Variants in MACF1 observed in about 807,000 individuals in gnomAD.
MACF1 encodes the protein microtubule-actin cross-linking factor 1.
Under a neutral mutation model 854.8 loss-of-function variants are expected in MACF1, and 193 were observed. That is an observed-to-expected ratio of 0.23 (90% confidence interval 0.20 to 0.25). The LOEUF is 0.25. Among genes scored for constraint, MACF1 ranks in the 10% least tolerant of loss-of-function variants. The pLI is 1.00. For synonymous variants in MACF1, 3,185 were observed against 3,226.7 expected (o/e 0.99, Z 0.44); for missense variants, 7,722 against 8,929.1 (o/e 0.86, Z 5.45).
At chr1:39,366,260 C>T (rs79105037) in intron 49 of MACF1, among the ~76,000 whole-genome samples, 4,804 of 152,242 alleles carry the variant, frequency 0.032, 255 homozygotes, top group African/African-American at 0.11. Flanking sequence ...CAAATACATA[C>T]GCATGCACTT....
At chr1:39,251,792 T>C in intron 3 of MACF1, 54 bp from the exon 4 acceptor site, 1 of 1,032,724 alleles carries the variant, frequency 9.7e-7, no homozygotes, top group Non-Finnish European at 1.3e-6. Flanking sequence ...TCCATCTTTT[T>C]ATTGTGAATT....
intron 95 of MACF1, chr1:39,468,245 G>A: frequency 5.8e-6 from 1 of 172,790 alleles, no homozygotes; most frequent in South Asian, 1.3e-4. Context: ...AAAATTAGCT[G>A]GGCGTGATGG....
In MACF1 at chr1:39,429,855, A is replaced by G. The variant is rs149150778; in HGVS notation, c.16917A>G (p.Lys5639=). ...AGGAGGTGTTACTTATCCAGGAAAA[A>G]CTAGATGGTATAAAGACTCGTTACG... The part of the protein sequence containing the change: ...TGEEVLLIQE[K]LDGIKTRYAD... The change falls in exon 65 of 101, where the codon AAA becomes AAG. Residue 5639 remains lysine, a synonymous_variant. Transcript: ENST00000564288. The G allele has an allele frequency of 1.2e-6, 2 of 1,614,010 alleles. No homozygotes were observed. The highest frequency in any genetic ancestry group is 1.7e-6 in the Non-Finnish European group (2 of 1,179,944).
At chr1:39,174,252 A>T (rs931352626) in intron 2 of MACF1, among the ~76,000 whole-genome samples, 2 of 152,086 alleles carry the variant, frequency 1.3e-5, no homozygotes, top group African/African-American at 2.4e-5. Flanking sequence ...TTTTCTCTTT[A>T]GGCTAGAGTT....
intron 68 of MACF1, among the ~76,000 whole-genome samples, chr1:39,433,993 T>G (rs899671249): frequency 1.3e-5 from 2 of 152,078 alleles, no homozygotes; most frequent in African/African-American, 4.8e-5. Context: ...GGCAGGAGAA[T>G]CCCTTGAACC....
chr1:39,085,274 T>C (rs550728448), intron 2 of MACF1, among the ~76,000 whole-genome samples: 114 of 152,310 alleles, frequency 7.5e-4, no homozygotes, highest in Non-Finnish European at 1.3e-3. Flanking sequence ...CTTAGCACAG[T>C]TTTTGGCTCA....
chr1:39,296,062 C>T (rs1045966707), intron 20 of MACF1, among the ~76,000 whole-genome samples, 180 bp downstream of exon 20: 4 of 152,214 alleles, frequency 2.6e-5, no homozygotes, highest in African/African-American at 7.2e-5. Flanking sequence ...GGGCAGGGCT[C>T]AGCTAAGTGG....
At chr1:39,337,066 C>T in intron 37 of MACF1, 116 bp from the exon 38 acceptor site, 2 of 872,184 alleles carry the variant, frequency 2.3e-6, no homozygotes, top group Non-Finnish European at 3.5e-6. Context: ...TTATTTTATC[C>T]CACTCTATGT....
intron 44 of MACF1, among the ~76,000 whole-genome samples, chr1:39,353,745 C>T (rs1435238041): frequency 6.6e-6 from 1 of 152,168 alleles, no homozygotes; most frequent in Non-Finnish European, 1.5e-5. Context: ...TTCCTTTATT[C>T]CCACTTCATT....
In MACF1 at chr1:39,333,725, GAC is replaced by G. The variant is rs1557593527; in HGVS notation, c.7140_7141del (p.Leu2381ValfsTer13). ...GTGGTGTCTTAGACCCCCGTACCCA[GAC>G]ACTGTGCTCTGTAAAGGATGCAGTT... is the stretch of plus-strand genomic sequence containing the variant. ...ISGVLDPRTQ[T>X]LCSVKDAVTV... On this transcript the variant is annotated frameshift_variant, in exon 37 of 101. Coordinates refer to ENST00000564288, the MANE Select transcript of MACF1 (RefSeq NM_001394062.1). LOFTEE classifies it high-confidence loss of function. 1.2e-6 allele frequency: 2 copies of G among 1,614,064 alleles called. No homozygotes were observed. The highest frequency in any genetic ancestry group is 2.7e-5 in the African/African-American group (2 of 74,926).
chr1:39,294,905 G>T (rs1645868840), intron 18 of MACF1, 141 bp from the exon 19 acceptor site: 1 of 608,340 alleles, frequency 1.6e-6, no homozygotes, highest in Non-Finnish European at 2.9e-6. Flanking sequence ...CAATCCTCTG[G>T]CATGCACTGT....
In MACF1 at chr1:39,347,088, C is replaced by T; in HGVS notation, c.10693C>T (p.Gln3565Ter). Reference protein sequence around the residue: ...AQDLSPQQNRQMLRLLNELQR... With the variant: ...AQDLSPQQNR ...GGACTTGTCCCCTCAGCAGAATCGA[C>T]AGATGCTGAGGCTTCTGAATGAACT... The change falls in exon 41 of 101, where the codon CAG (glutamine) becomes TAG (stop). Residue 3565 changes from glutamine to a stop codon, truncating the protein, a stop_gained. Coordinates refer to ENST00000564288, the MANE Select transcript of MACF1 (RefSeq NM_001394062.1). LOFTEE classifies it high-confidence loss of function. The T allele has an allele frequency of 6.2e-7, 1 of 1,613,488 alleles. No individual in the cohort carries two copies. The highest frequency in any genetic ancestry group is 8.5e-7 in the Non-Finnish European group (1 of 1,179,374).
At chr1:39,253,164 C>T (rs1645060716) in intron 4 of MACF1, among the ~76,000 whole-genome samples, 1 of 152,132 alleles carries the variant, frequency 6.6e-6, no homozygotes, top group South Asian at 2.1e-4. Flanking sequence ...ACTCAGTAGG[C>T]AAAGAGACTG....
intron 58 of MACF1, among the ~76,000 whole-genome samples, chr1:39,398,109 C>CT (rs1642341846): frequency 6.8e-6 from 1 of 147,096 alleles, no homozygotes. Context: ...CCAAGCATAG[C>CT]TTTGCAGAGA....
chr1:39,216,402 G>A (rs1292658823), intron 1 of MACF1, among the ~76,000 whole-genome samples: 1 of 152,134 alleles, frequency 6.6e-6, no homozygotes, highest in Non-Finnish European at 1.5e-5. Context: ...CACTGGTTTG[G>A]TAATCTACTA....
intron 66 of MACF1, among the ~76,000 whole-genome samples, chr1:39,431,721 C>G (rs1643878011): frequency 6.6e-6 from 1 of 152,164 alleles, no homozygotes; most frequent in African/African-American, 2.4e-5. Flanking sequence ...CACCTGTAGT[C>G]CCAGCACTTT....
At chr1:39,177,549 A>G (rs1644046949) in intron 2 of MACF1, among the ~76,000 whole-genome samples, 1 of 152,060 alleles carries the variant, frequency 6.6e-6, no homozygotes, top group African/African-American at 2.4e-5. Context: ...TCCAGGAGCC[A>G]CTCCACATAT....
At chr1:39,211,832 G>A (rs1644520917) in intron 1 of MACF1, among the ~76,000 whole-genome samples, 1 of 151,970 alleles carries the variant, frequency 6.6e-6, no homozygotes, top group Admixed American at 6.6e-5. Flanking sequence ...AGCGAGCCGA[G>A]ATCAAGCCAC....
Position 39,335,558 on chromosome 1 carries a change from AC to A in MACF1, c.8972del (p.Pro2991GlnfsTer23). ...IVEESIRTCK[P>X]AFLSEEKLYQ... ...TAGAAGAAAGTATCAGAACATGCAA[AC>A]CAGCATTTCTTTCTGAAGAAAAGTT... is the stretch of plus-strand genomic sequence containing the variant. On this transcript the variant is annotated frameshift_variant, in exon 37 of 101. Coordinates refer to ENST00000564288, the MANE Select transcript of MACF1 (RefSeq NM_001394062.1). LOFTEE classifies it high-confidence loss of function. 1 of 1,614,188 alleles carries A rather than the reference AC, an allele frequency of 6.2e-7. No individual in the cohort carries two copies. The highest frequency in any genetic ancestry group is 1.1e-5 in the South Asian group (1 of 91,070).
Sources: allele counts gnomAD v4.1 joint callset (sites outside exome capture counted in the v4.1 genomes callset), GRCh38; gene constraint gnomAD v4.1.1; transcripts MANE v1.5; gene names NCBI Gene and HGNC (gene_info 2026-07-23, HGNC 2026-07-21).